The following CADM2 variants were observed in gnomAD, a reference collection of about 807,000 sequenced individuals.
CADM2 encodes the protein immunoglobulin superfamily member 4D.
CADM2 carries 12 observed loss-of-function variants against 49.8 expected under a neutral mutation model. The observed-to-expected ratio is 0.24, with a 90% CI of 0.15 to 0.39. The LOEUF is 0.39. Ranked by LOEUF, CADM2 falls within the 10% of genes least tolerant of loss-of-function variation. CADM2 has a pLI of 1.00. For synonymous variants in CADM2, 214 were observed against 175.4 expected (o/e 1.22, Z -1.74); for missense variants, 378 against 492.3 (o/e 0.77, Z 2.20).
At chr3:85,304,038 T>C (rs2044160456) in intron 1 of CADM2, among the ~76,000 whole-genome samples, 1 of 151,908 alleles carries the variant, frequency 6.6e-6, no homozygotes, top group South Asian at 2.1e-4. Context: ...GGCTATTGTA[T>C]TTCACTTTTA....
intron 1 of CADM2, among the ~76,000 whole-genome samples, chr3:85,461,766 TGAAA>T (rs2038257097): frequency 1.3e-5 from 2 of 152,308 alleles, no homozygotes; most frequent in Middle Eastern, 3.4e-3. Flanking sequence ...TTCTCTCATT[TGAAA>T]GAAAGACAGA....
intron 1 of CADM2, among the ~76,000 whole-genome samples, chr3:85,597,467 G>A (rs976464985): frequency 5.9e-5 from 9 of 151,984 alleles, no homozygotes; most frequent in African/African-American, 1.9e-4. Context: ...TATCTTGCTT[G>A]TTTGTTTCAT....
chr3:85,507,753 A>G (rs1267815233), intron 1 of CADM2, among the ~76,000 whole-genome samples: 1 of 152,210 alleles, frequency 6.6e-6, no homozygotes, highest in Non-Finnish European at 1.5e-5. Flanking sequence ...GGATTTTTAC[A>G]TATCAATATT....
chr3:85,648,660 A>C (rs893908091), intron 1 of CADM2, among the ~76,000 whole-genome samples: 2 of 152,044 alleles, frequency 1.3e-5, no homozygotes, highest in South Asian at 4.1e-4. Flanking sequence ...AAATTTTTGT[A>C]GATTAATGTT....
intron 1 of CADM2, among the ~76,000 whole-genome samples, chr3:85,082,690 C>G (rs759426572): frequency 2.0e-5 from 3 of 151,964 alleles, no homozygotes; most frequent in African/African-American, 7.3e-5. Flanking sequence ...TTAGGGCACA[C>G]GGTTAGGGGT....
intron 1 of CADM2, among the ~76,000 whole-genome samples, chr3:85,608,019 C>A (rs569989921): frequency 1.3e-5 from 2 of 152,042 alleles, no homozygotes; most frequent in East Asian, 3.9e-4. Context: ...TTCATTACCT[C>A]GTAATTAGAT....
chr3:85,551,566 A>G (rs892458816), intron 1 of CADM2, among the ~76,000 whole-genome samples: 1 of 152,262 alleles, frequency 6.6e-6, no homozygotes, highest in Non-Finnish European at 1.5e-5. Context: ...GAGTTAGAAA[A>G]TTGATATTTT....
chr3:85,480,777 T>C (rs939574116), intron 1 of CADM2, among the ~76,000 whole-genome samples: 16 of 151,802 alleles, frequency 1.1e-4, no homozygotes, highest in African/African-American at 3.4e-4. Context: ...ATTTCAGTTA[T>C]ATGATGAACA....
At chr3:86,017,168 GTATATA>G (rs138958837) in intron 8 of CADM2, among the ~76,000 whole-genome samples, 15,514 of 141,420 alleles carry the variant, frequency 0.11, 951 homozygotes, top group Non-Finnish European at 0.13. Flanking sequence ...GTGTGTGTGT[GTATATA>G]TATATATATA....
intron 1 of CADM2, among the ~76,000 whole-genome samples, chr3:85,409,926 C>T (rs1453910729): frequency 6.6e-6 from 1 of 152,110 alleles, no homozygotes; most frequent in Non-Finnish European, 1.5e-5. Flanking sequence ...TTAATATTGA[C>T]ATCTGGTTTC....
intron 2 of CADM2, among the ~76,000 whole-genome samples, chr3:85,746,504 T>C (rs570174590): frequency 1.3e-5 from 2 of 152,292 alleles, no homozygotes; most frequent in East Asian, 3.9e-4. Context: ...AAAATGGTAT[T>C]TTGTGCCATC....
chr3:85,240,017 G>A (rs946694125), intron 1 of CADM2, among the ~76,000 whole-genome samples: 2 of 151,444 alleles, frequency 1.3e-5, no homozygotes, highest in South Asian at 4.1e-4. Flanking sequence ...TGAGATTTCT[G>A]ACATAATCAA....
intron 8 of CADM2, among the ~76,000 whole-genome samples, chr3:86,049,847 G>T (rs567186580): frequency 2.6e-5 from 4 of 152,056 alleles, no homozygotes; most frequent in African/African-American, 9.7e-5. Flanking sequence ...TAATCACCTC[G>T]CATCATGCCC....
chr3:85,584,372 AT>A (rs1267740559), intron 1 of CADM2, among the ~76,000 whole-genome samples: 2 of 152,072 alleles, frequency 1.3e-5, no homozygotes, highest in Non-Finnish European at 2.9e-5. Context: ...ATACTAAGAT[AT>A]AAAGTTCAAA....
At chr3:85,276,071 A>G (rs2043350126) in intron 1 of CADM2, among the ~76,000 whole-genome samples, 1 of 151,358 alleles carries the variant, frequency 6.6e-6, no homozygotes, top group East Asian at 1.9e-4. Flanking sequence ...TTATGAAATG[A>G]TATCTCACAA....
intron 1 of CADM2, among the ~76,000 whole-genome samples, chr3:85,661,532 TAGG>T (rs1279803492): frequency 1.3e-5 from 2 of 152,004 alleles, no homozygotes; most frequent in Non-Finnish European, 2.9e-5. Flanking sequence ...AGTGGATGAG[TAGG>T]AGAAGGGGTT....
At chr3:85,162,761 A>T (rs2040365179) in intron 1 of CADM2, among the ~76,000 whole-genome samples, 1 of 152,080 alleles carries the variant, frequency 6.6e-6, no homozygotes, top group African/African-American at 2.4e-5. Context: ...TTGCCTATAG[A>T]TTTTAATTAC....
rs551603598 is a variant in CADM2 at position 85,525,292 on chromosome 3, A to T, written c.62-201230A>T. Among the ~76,000 whole-genome samples the T allele has an allele frequency of 2.4e-3, 366 of 152,340 alleles. 7 individuals carry two copies. Among genetic ancestry groups the T allele is most frequent in the East Asian group, 2.1e-3 (11 of 5,190 alleles). On this transcript the variant is annotated intron_variant, in intron 1 of 9. Coordinates refer to ENST00000383699, the MANE Select transcript of CADM2 (RefSeq NM_001167675.2). ...TCTGTTATTTACATCTACCATTAAT[A>T]TGTCACATCTCTTACAATCAGTAAA...
In CADM2 at chr3:85,037,986, T is replaced by C. The variant is rs570811243; in HGVS notation, c.61+78318T>C. On this transcript the variant is annotated intron_variant, in intron 1 of 9. Transcript: ENST00000383699. ...TGGCCGGAAAACTAAAAAAAAAAAA[T>C]AGTTATGAGTTCTTAGTTGGACGTT... is the stretch of plus-strand genomic sequence containing the variant. Among the ~76,000 whole-genome samples the C allele has an allele frequency of 2.0e-5, 3 of 151,132 alleles. No homozygotes were observed. In the South Asian group the frequency reaches 6.3e-4, roughly 32 times the overall value.
Sources: gnomAD v4.1 joint callset for allele counts (sites outside exome capture counted in the v4.1 genomes callset) on GRCh38, gnomAD v4.1.1 for gene constraint, MANE v1.5 for transcripts, NCBI Gene and HGNC (gene_info 2026-07-23, HGNC 2026-07-21) for gene names.